Variants in ZBTB4 observed in about 807,000 individuals in gnomAD.
The protein encoded by ZBTB4 is zinc finger and BTB domain-containing protein 4.
A neutral mutation model predicts 59.8 loss-of-function variants in ZBTB4; 14 were observed. That is an observed-to-expected ratio of 0.23 (90% CI 0.15 to 0.37). The LOEUF (loss-of-function observed/expected upper bound fraction) is 0.37, where lower values mean the gene tolerates loss of function less well. Among genes scored for constraint, ZBTB4 ranks in the 10% least tolerant of loss-of-function variants. The probability of loss-of-function intolerance (pLI) is 1.00; values close to 1 mark genes in which losing one functional copy is unlikely to be tolerated. For missense variants in ZBTB4, 1,198 were observed against 1,380.8 expected (o/e 0.87, Z 2.10); for synonymous variants, 587 against 575.2 (o/e 1.02, Z -0.29).
Position 7,466,558 on chromosome 17 carries a change from T to C in ZBTB4, c.244A>G (p.Thr82Ala). 1.2e-6 allele frequency: 2 copies of C among 1,611,952 alleles called. No individual in the cohort carries two copies. Among genetic ancestry groups the C allele is most frequent in the Non-Finnish European group, 1.7e-6 (2 of 1,179,116 alleles). The change falls in exon 3 of 4, where the codon ACA becomes GCA. Residue 82 changes from threonine (T) to alanine (A), a missense_variant. Transcript: ENST00000380599. This position sits in a 1 kb window ranked among gnomAD's most constrained non-coding sequence, Gnocchi z 9.1. Reference protein sequence around the residue: ...GGAAPNPATTTAASSSSSSSS... With the variant: ...GGAAPNPATTAAASSSSSSSS... ...GAGGAGGAGGAGGAAGAGGCAGCTG[T>C]GGTGGTGGCAGGGTTGGGTGCGGCG...
intron 1 of ZBTB4, among the ~76,000 whole-genome samples, chr17:7,472,105 T>A (rs935730211): frequency 6.6e-6 from 1 of 152,156 alleles, no homozygotes; most frequent in Non-Finnish European, 1.5e-5. Flanking sequence ...CACCTTCCCC[T>A]GAGGCCTTCC....
chr17:7,462,730 C>T lies in ZBTB4; in HGVS notation c.2252G>A (p.Gly751Asp). ...LRKHQEAHGG[G>D]SHSSRAGRRP... is the part of the protein sequence containing the mutation. The stretch of plus-strand genomic sequence containing the variant: ...CCGTCCGGCCCGGGAGCTGTGGGAG[C>T]CCCCACCGTGGGCCTCTTGGTGCTT... The change falls in exon 4 of 4, where the codon GGC becomes GAC. Residue 751 changes from glycine (G) to aspartate (D), a missense_variant. Coordinates refer to ENST00000380599, the MANE Select transcript of ZBTB4 (RefSeq NM_001128833.2). This position sits in a 1 kb window ranked among gnomAD's most constrained non-coding sequence, Gnocchi z 7.5. 1 of 1,603,752 alleles carries T rather than the reference C, an allele frequency of 6.2e-7. No individual in the cohort carries two copies.
rs1305142485 is a variant in ZBTB4 at position 7,462,961 on chromosome 17, C to T, written c.2021G>A (p.Arg674His). Residue 674 changes from arginine (R) to histidine (H), a missense_variant, in exon 4 of 4, where the codon CGC becomes CAC. By Grantham distance (29) the Arg-to-His change is conservative. Transcript: ENST00000380599. The surrounding 1 kb of genome is among the most constrained non-coding windows in gnomAD (Gnocchi z 7.5). ...GGCACCTCCAGCAGCTCCAGCCTTG[C>T]GCTTAGGCTTGTAGGAGTAGTAGGG... ...WRPYYSYKPK[R>H]KAGAAGGASV... 17 of 1,607,970 alleles carry T rather than the reference C, an allele frequency of 1.1e-5. No homozygotes were observed. The highest frequency in any genetic ancestry group is 1.7e-5 in the Admixed American group (1 of 59,662).
intron 3 of ZBTB4, among the ~76,000 whole-genome samples, chr17:7,464,794 C>T (rs1260155404): frequency 4.7e-5 from 7 of 148,722 alleles, no homozygotes; most frequent in African/African-American, 7.5e-5. Flanking sequence ...GCTGAGATTG[C>T]GCCACTGCAC....
upstream of ZBTB4, chr17:7,483,196 T>G: frequency 9.4e-7 from 1 of 1,059,886 alleles, no homozygotes; most frequent in Non-Finnish European, 1.3e-6. Flanking sequence ...GACCAAGGGA[T>G]GTGGAGACCA....
Position 7,466,450 on chromosome 17 carries a change from G to C in ZBTB4, c.352C>G (p.Pro118Ala), listed in dbSNP as rs375728332. 2.0e-5 allele frequency: 33 copies of C among 1,613,126 alleles called. No individual in the cohort carries two copies. The African/African-American group carries it at 3.9e-4, about 19-fold the overall frequency. The change falls in exon 3 of 4, where the codon CCT becomes GCT. Residue 118 changes from proline to alanine, a missense_variant. By Grantham distance (27) the Pro-to-Ala change is conservative. This residue lies in a region of ZBTB4 where 83 missense variants were observed against 76.5 expected (regional missense o/e 1.09). Transcript: ENST00000380599. This position sits in a 1 kb window ranked among gnomAD's most constrained non-coding sequence, Gnocchi z 9.1. ...SSSSPPPASP[P>A]ASSPPRVLEL... ...AGGACCCGGGGTGGGGAAGAAGCAG[G>C]GGGAGAGGCTGGAGGGGGAGAGGAA...
chr17:7,467,857 A>G (rs1307987202), intron 1 of ZBTB4, among the ~76,000 whole-genome samples: 1 of 152,240 alleles, frequency 6.6e-6, no homozygotes, highest in African/African-American at 2.4e-5. Flanking sequence ...CATAAATCTT[A>G]GAAGGGGGTT....
intron 3 of ZBTB4, among the ~76,000 whole-genome samples, chr17:7,464,524 C>T (rs35667146): frequency 0.16 from 24,011 of 149,070 alleles, 2,124 homozygotes; most frequent in South Asian, 0.22. Context: ...CTCAGGATGG[C>T]TTTTTTTTTA....
chr17:7,482,946 C>T (rs2070366473), upstream of ZBTB4: 14 of 1,611,818 alleles, frequency 8.7e-6, no homozygotes, highest in Admixed American at 1.7e-5. Context: ...GGCAGCATTG[C>T]CATCATCACA....
chr17:7,463,190 G>T lies in ZBTB4; in HGVS notation c.1792C>A (p.Pro598Thr). ...ACAGTGATCTGACACAGTGGAGGTG[G>T]AGCCTGCAGCTGAGAGGGGCCCCGG... ...AGRGPSQLQAPPPLCQITVRI... is the reference protein window; with the variant it reads ...AGRGPSQLQATPPLCQITVRI... Residue 598 changes from proline (P) to threonine (T), a missense_variant, in exon 4 of 4, where the codon CCA (proline) becomes ACA (threonine). By Grantham distance (38) the Pro-to-Thr change is conservative (BLOSUM62 -1). This residue lies in a region of ZBTB4 where 550 missense variants were observed against 541.8 expected (regional missense o/e 1.02). Coordinates refer to ENST00000380599, the MANE Select transcript of ZBTB4 (RefSeq NM_001128833.2). The T allele has an allele frequency of 6.2e-7, 1 of 1,607,844 alleles. No individual in the cohort carries two copies.
upstream of ZBTB4, among the ~76,000 whole-genome samples, chr17:7,480,545 CT>C (rs1171762059): frequency 1.3e-5 from 2 of 151,980 alleles, no homozygotes; most frequent in Non-Finnish European, 2.9e-5. Flanking sequence ...CGGTGAAACC[CT>C]GTCTCTACTA....
chr17:7,461,707 T>C lies in ZBTB4; in HGVS notation c.*233A>G, dbSNP rs1257203009. ...GGATGGAAGCTGGCCCTGCCCCTCA[T>C]GGAGGCCATTCCCTGGAGGAAGACT... On this transcript the variant is annotated 3_prime_UTR_variant, in exon 4 of 4. Transcript: ENST00000380599. 1.2e-5 allele frequency: 5 copies of C among 423,684 alleles called. No individual in the cohort carries two copies. The highest frequency in any genetic ancestry group is 5.8e-5 in the South Asian group (1 of 17,204). The allele number at this position is 423,684 out of a possible 1,614,324, so 26.2% of individuals were successfully genotyped here.
At position 7,463,655 on chromosome 17, in the gene ZBTB4, G is replaced by A. The variant is rs373201895; in HGVS notation, c.1327C>T (p.Leu443Phe). ...GAPEAPLSPT[L>F]NTPAPVAMPA... ...ATTGCCACAGGGGCCGGTGTGTTGA[G>A]GGTTGGAGAAAGGGGAGCCTCCGGG... Residue 443 changes from leucine to phenylalanine, a missense_variant, in exon 4 of 4, where the codon CTC becomes TTC. By Grantham distance (22) the Leu-to-Phe change is conservative. Around this residue, in one of 9 missense-constraint regions of ZBTB4, gnomAD observed 550 missense variants for 541.8 expected, o/e 1.02. Coordinates refer to ENST00000380599, the MANE Select transcript of ZBTB4 (RefSeq NM_001128833.2). 1.0e-4 allele frequency: 165 copies of A among 1,613,270 alleles called. 1 individual carries two copies. The highest frequency in any genetic ancestry group is 1.1e-4 in the Non-Finnish European group (133 of 1,179,762).
chr17:7,462,938 C>A lies in ZBTB4; in HGVS notation c.2044G>T (p.Ala682Ser). ...GGCAGCCCACTGCCCCCCACACTGGCACCTCCAGCAGCTCCAGCCTTGCGC... is the reference window on the plus strand; with the variant it reads ...GGCAGCCCACTGCCCCCCACACTGGAACCTCCAGCAGCTCCAGCCTTGCGC... The part of the protein sequence containing the change: ...PKRKAGAAGG[A>S]SVGGSGLPRG... Residue 682 changes from alanine to serine, a missense_variant, in exon 4 of 4, where the codon GCC (alanine) becomes TCC (serine). Physicochemically the swap from Ala to Ser is moderately conservative, Grantham distance 99 (BLOSUM62 1). This residue lies in a region of ZBTB4 where 550 missense variants were observed against 541.8 expected (regional missense o/e 1.02). Transcript: ENST00000380599. The surrounding 1 kb of genome is among the most constrained non-coding windows in gnomAD (Gnocchi z 7.5). The A allele has an allele frequency of 1.2e-6, 2 of 1,608,576 alleles. No homozygotes were observed. Among genetic ancestry groups the A allele is most frequent in the East Asian group, 2.2e-5 (1 of 44,830 alleles).
intron 1 of ZBTB4, among the ~76,000 whole-genome samples, 179 bp downstream of exon 1, chr17:7,479,277 C>G (rs2070311953): frequency 6.6e-6 from 1 of 151,798 alleles, no homozygotes; most frequent in African/African-American, 2.4e-5. Context: ...CAGCGTCGTG[C>G]GCGCCCGGGG....
chr17:7,476,971 T>A (rs1413210246), intron 1 of ZBTB4, among the ~76,000 whole-genome samples: 1 of 152,176 alleles, frequency 6.6e-6, no homozygotes, highest in Non-Finnish European at 1.5e-5. Context: ...CAGCTTCACC[T>A]CTTACTAGCT....
At position 7,463,220 on chromosome 17, in the gene ZBTB4, C is replaced by A. The variant is rs1194193491; in HGVS notation, c.1762G>T (p.Ala588Ser). ...TGCAGCTGAGAGGGGCCCCGGCCAGCCCCTGTGGGGGGACCCCCACCTCCA... is the reference window on the plus strand; with the variant it reads ...TGCAGCTGAGAGGGGCCCCGGCCAGACCCTGTGGGGGGACCCCCACCTCCA... Reference protein sequence around the residue: ...IGGGGGPPTGAGRGPSQLQAP... With the variant: ...IGGGGGPPTGSGRGPSQLQAP... The change falls in exon 4 of 4, where the codon GCT (alanine) becomes TCT (serine). Residue 588 changes from alanine (A) to serine (S), a missense_variant. Ala to Ser is a moderately conservative substitution (Grantham distance 99). Coordinates refer to ENST00000380599, the MANE Select transcript of ZBTB4 (RefSeq NM_001128833.2). 6.2e-7 allele frequency: 1 copy of A among 1,610,200 alleles called. No individual in the cohort carries two copies. The highest frequency in any genetic ancestry group is 1.1e-5 in the South Asian group (1 of 90,576).
At chr17:7,481,713 C>T (rs2070347413), upstream of ZBTB4, among the ~76,000 whole-genome samples, 1 of 152,150 alleles carries the variant, frequency 6.6e-6, no homozygotes, top group Non-Finnish European at 1.5e-5. Flanking sequence ...TTCCTCAATC[C>T]GAGAGAGCAT....
Position 7,462,411 on chromosome 17 carries a change from C to G in ZBTB4, c.2571G>C (p.Glu857Asp), listed in dbSNP as rs773608469. Residue 857 changes from glutamate to aspartate, a missense_variant, in exon 4 of 4, where the codon GAG becomes GAC. Around this residue, in one of 9 missense-constraint regions of ZBTB4, gnomAD observed 211 missense variants for 236.1 expected, o/e 0.89. Coordinates refer to ENST00000380599, the MANE Select transcript of ZBTB4 (RefSeq NM_001128833.2). This position sits in a 1 kb window ranked among gnomAD's most constrained non-coding sequence, Gnocchi z 7.5. ...TGCCCCCGCTTGCCACTACTGGGGGCTCCTCACCCCCTGAAATGATAGGGT... is the reference window on the plus strand; with the variant it reads ...TGCCCCCGCTTGCCACTACTGGGGGGTCCTCACCCCCTGAAATGATAGGGT... ...LQDPIISGGEEPPVVASGGSY... is the reference protein window; with the variant it reads ...LQDPIISGGEDPPVVASGGSY... 1.2e-6 allele frequency: 2 copies of G among 1,613,832 alleles called. No individual in the cohort carries two copies. Among genetic ancestry groups the G allele is most frequent in the African/African-American group, 2.7e-5 (2 of 74,930 alleles).
Sources: gnomAD v4.1 joint callset for allele counts (sites outside exome capture counted in the v4.1 genomes callset) on GRCh38, gnomAD v4.1.1 for gene constraint, gnomAD v4.1.1 regional missense constraint, Gnocchi (gnomAD v3.1) non-coding constraint, MANE v1.5 for transcripts, NCBI Gene and HGNC (gene_info 2026-07-23, HGNC 2026-07-21) for gene names.